The following SDC2 variants were observed in gnomAD, a reference collection of about 807,000 sequenced individuals.
The protein encoded by SDC2 is syndecan-2.
In SDC2, 13 loss-of-function variants were observed where a neutral mutation model predicts 22.2. The observed-to-expected ratio is 0.59, with a 90% CI of 0.38 to 0.93. SDC2 has a LOEUF of 0.93. Ranked by LOEUF, SDC2 falls within the 40% of genes least tolerant of loss-of-function variation. The pLI, the probability that SDC2 is intolerant of heterozygous loss-of-function variation, is 0.00. For missense variants in SDC2, 235 were observed against 246.8 expected (o/e 0.95, Z 0.32); for synonymous variants, 94 against 92.8 (o/e 1.01, Z -0.07).
intron 2 of SDC2, among the ~76,000 whole-genome samples, chr8:96,596,584 A>G (rs1311030429): frequency 6.6e-6 from 1 of 152,250 alleles, no homozygotes; most frequent in Non-Finnish European, 1.5e-5. Context: ...TGAAAGAAAT[A>G]CAAACATGAG....
chr8:96,609,549 A>AACTCC lies in SDC2; in HGVS notation c.*3_*7dup, dbSNP rs1401246075. ...ACCTACTAAGGAGTTTTATGCGTAA[A>AACTCC]ACTCCAACTTAGTGTCTCTATTTAT... On this transcript the variant is annotated 3_prime_UTR_variant, in exon 5 of 5. Coordinates refer to ENST00000302190, the MANE Select transcript of SDC2 (RefSeq NM_002998.4). The AACTCC allele has an allele frequency of 1.3e-6, 2 of 1,579,762 alleles. No individual in the cohort carries two copies. Among genetic ancestry groups the AACTCC allele is most frequent in the Non-Finnish European group, 1.7e-6 (2 of 1,162,550 alleles).
chr8:96,506,594 A>G (rs1813242553), intron 1 of SDC2, among the ~76,000 whole-genome samples: 1 of 152,058 alleles, frequency 6.6e-6, no homozygotes, highest in African/African-American at 2.4e-5. Flanking sequence ...TTACTACCTC[A>G]GCCTCCTGAG....
intron 1 of SDC2, among the ~76,000 whole-genome samples, chr8:96,522,677 A>G (rs61654953): frequency 0.023 from 3,573 of 152,318 alleles, 145 homozygotes; most frequent in African/African-American, 0.081. Context: ...CTATTGGGGA[A>G]AATCACTGAA....
intron 1 of SDC2, among the ~76,000 whole-genome samples, chr8:96,566,343 C>G (rs1278830680): frequency 6.6e-6 from 1 of 152,238 alleles, no homozygotes; most frequent in Non-Finnish European, 1.5e-5. Context: ...TATTTCAGAG[C>G]ATTTGATTTG....
rs762735949 is a variant in SDC2, at chr8:96,494,317, G to A, written c.46G>A (p.Val16Met). The change falls in exon 1 of 5, where the codon GTG becomes ATG. Residue 16 changes from valine to methionine, a missense_variant. Val to Met is a conservative substitution (Grantham distance 21). Transcript: ENST00000302190. ...GCTCACCTTGGGCTTGGTGGCCTGCGTGTCGGCGGAGTCGGTGAGTGGGCC... is the reference window on the plus strand; with the variant it reads ...GCTCACCTTGGGCTTGGTGGCCTGCATGTCGGCGGAGTCGGTGAGTGGGCC... ...ILLTLGLVAC[V>M]SAESRAELTS... is the part of the protein sequence containing the mutation. 2 of 1,544,458 alleles carry A rather than the reference G, an allele frequency of 1.3e-6. No homozygotes were observed. The highest frequency in any genetic ancestry group is 1.7e-6 in the Non-Finnish European group (2 of 1,149,098).
Position 96,565,097 on chromosome 8 carries a change from T to TTTTTTTTTTTTTTTTTTTTG in SDC2, c.61-28381_61-28380insTTTTTTTTTTTTTTTTTGTT, listed in dbSNP as rs1329448270. 2.4e-3 allele frequency among the ~76,000 whole-genome samples: 303 copies of TTTTTTTTTTTTTTTTTTTTG among 128,538 alleles called. 14 individuals are homozygous for TTTTTTTTTTTTTTTTTTTTG. Among genetic ancestry groups the TTTTTTTTTTTTTTTTTTTTG allele is most frequent in the African/African-American group, 9.2e-3 (287 of 31,224 alleles). The allele number at this position is 128,538 out of a possible 152,430, so 84.3% of individuals were successfully genotyped here. On this transcript the variant is annotated intron_variant, in intron 1 of 4. Coordinates refer to ENST00000302190, the MANE Select transcript of SDC2 (RefSeq NM_002998.4). ...ATCCTAAATTTGATTTTTTTTTTTTTTTGTTGAGATGGGGAGTGTTGCTCT... is the reference window on the plus strand; with the variant it reads ...ATCCTAAATTTGATTTTTTTTTTTTTTTTTTTTTTTTTTTTTTTTGTTGTTGAGATGGGGAGTGTTGCTCT...
chr8:96,536,131 C>A (rs995834413), intron 1 of SDC2, among the ~76,000 whole-genome samples: 6 of 151,106 alleles, frequency 4.0e-5, no homozygotes, highest in African/African-American at 1.5e-4. Flanking sequence ...AGTGGCTTAT[C>A]CTAGCTTTTC....
intron 3 of SDC2, among the ~76,000 whole-genome samples, chr8:96,603,927 G>A (rs1815035434): frequency 6.6e-6 from 1 of 152,178 alleles, no homozygotes; most frequent in African/African-American, 2.4e-5. Context: ...CTGTATCAAT[G>A]TTTCAGTTGA....
intron 1 of SDC2, among the ~76,000 whole-genome samples, chr8:96,503,329 A>T (rs1813193435): frequency 6.6e-6 from 1 of 152,250 alleles, no homozygotes; most frequent in South Asian, 2.1e-4. Context: ...GTTAAATAAG[A>T]TTCTAATTTA....
chr8:96,587,819 A>C (rs1303383812), intron 1 of SDC2, among the ~76,000 whole-genome samples: 1 of 152,124 alleles, frequency 6.6e-6, no homozygotes, highest in Non-Finnish European at 1.5e-5. Context: ...GTTCTTCCCC[A>C]GTCCTTTATT....
At chr8:96,494,441 A>G in intron 1 of SDC2, 110 bp downstream of exon 1, 1 of 982,566 alleles carries the variant, frequency 1.0e-6, no homozygotes. Flanking sequence ...GTCCCCAAGT[A>G]TACACCGGAG....
intron 1 of SDC2, among the ~76,000 whole-genome samples, chr8:96,529,539 A>G (rs1200255454): frequency 1.3e-5 from 2 of 152,184 alleles, no homozygotes; most frequent in African/African-American, 4.8e-5. Context: ...AACGGCAAAC[A>G]TGGACCCATT....
At chr8:96,563,261 G>T (rs552278892) in intron 1 of SDC2, among the ~76,000 whole-genome samples, 4 of 152,162 alleles carry the variant, frequency 2.6e-5, no homozygotes, top group Admixed American at 1.3e-4. Flanking sequence ...CCATTCTAAC[G>T]GCCTTACTTC....
chr8:96,581,803 A>G lies in SDC2; in HGVS notation c.61-11677A>G, dbSNP rs994566124. Among the ~76,000 whole-genome samples the G allele has an allele frequency of 5.7e-4, 87 of 152,312 alleles. 1 individual carries two copies. Among genetic ancestry groups the G allele is most frequent in the African/African-American group, 2.0e-3 (85 of 41,558 alleles). On this transcript the variant is annotated intron_variant, in intron 1 of 4. Transcript: ENST00000302190. ...GCTTTGGCCACGTGTCAGTTTGTACAGCTGATGAAGTATTTGTCATTGGTG... is the reference window on the plus strand; with the variant it reads ...GCTTTGGCCACGTGTCAGTTTGTACGGCTGATGAAGTATTTGTCATTGGTG...
intron 1 of SDC2, among the ~76,000 whole-genome samples, chr8:96,538,251 C>T (rs377067200): frequency 2.2e-4 from 34 of 152,292 alleles, no homozygotes; most frequent in African/African-American, 7.0e-4. Context: ...TGAGCCACTG[C>T]GCCCAGCCAA....
chr8:96,549,360 T>G (rs1214069408), intron 1 of SDC2, among the ~76,000 whole-genome samples: 1 of 152,212 alleles, frequency 6.6e-6, no homozygotes, highest in African/African-American at 2.4e-5. Flanking sequence ...GCTTGGAGGC[T>G]CTGATGTGAA....
At chr8:96,585,759 C>T (rs1250760430) in intron 1 of SDC2, among the ~76,000 whole-genome samples, 3 of 151,940 alleles carry the variant, frequency 2.0e-5, no homozygotes, top group Admixed American at 6.6e-5. Flanking sequence ...GATGCCCCAA[C>T]GTACATACAG....
intron 1 of SDC2, among the ~76,000 whole-genome samples, chr8:96,533,719 A>G (rs1276491976): frequency 4.6e-5 from 7 of 151,790 alleles, no homozygotes; most frequent in Admixed American, 1.3e-4. Context: ...TGTATCTGCA[A>G]TCCCTTAGCT....
At chr8:96,528,068 AACTT>A (rs35660815) in intron 1 of SDC2, among the ~76,000 whole-genome samples, 89,623 of 151,612 alleles carry the variant, frequency 0.59, 27,064 homozygotes, top group Non-Finnish European at 0.63. Context: ...CGTATGGAAT[AACTT>A]AATTATAAGT....
Sources: allele counts gnomAD v4.1 joint callset (sites outside exome capture counted in the v4.1 genomes callset), GRCh38; gene constraint gnomAD v4.1.1; transcripts MANE v1.5; gene names NCBI Gene and HGNC (gene_info 2026-07-23, HGNC 2026-07-21).